NRAP: variants seen among roughly 807,000 people sequenced by gnomAD.
NRAP encodes the protein nebulin-related-anchoring protein.
Under a neutral mutation model 225.9 loss-of-function variants are expected in NRAP, and 189 were observed. The observed-to-expected ratio is 0.84, with a 90% CI of 0.74 to 0.94. The LOEUF is 0.94. Among genes scored for constraint, NRAP ranks in the 40% least tolerant of loss-of-function variants. The pLI, the probability that NRAP is intolerant of heterozygous loss-of-function variation, is 0.00. For synonymous variants in NRAP, 769 were observed against 790.7 expected, an observed-to-expected ratio of 0.97 and a Z score of 0.46; for missense variants, 2,176 against 2,168.7, an observed-to-expected ratio of 1.00 and a Z score of -0.07.
intron 14 of NRAP, among the ~76,000 whole-genome samples, chr10:113,638,210 TTAAG>T (rs1342015342): frequency 1.3e-5 from 2 of 152,236 alleles, no homozygotes; most frequent in Non-Finnish European, 2.9e-5. Context: ...TAATTCTGCA[TTAAG>T]TATGTTACTG....
intron 12 of NRAP, 120 bp downstream of exon 12, chr10:113,642,814 C>T: frequency 1.6e-6 from 1 of 632,620 alleles, no homozygotes. Flanking sequence ...GCATTTATGC[C>T]TAAAAGGCCA....
At chr10:113,590,195 A>G (rs1592712405) in intron 40 of NRAP, among the ~76,000 whole-genome samples, 1 of 152,220 alleles carries the variant, frequency 6.6e-6, no homozygotes, top group African/African-American at 2.4e-5. Context: ...TAGCATAGCC[A>G]TCGAGAGCTT....
At chr10:113,647,173 T>C (rs1348133198) in intron 9 of NRAP, 146 bp from the exon 10 acceptor site, 3 of 643,220 alleles carry the variant, frequency 4.7e-6, no homozygotes, top group Non-Finnish European at 5.6e-6. Flanking sequence ...GTTTAAACAT[T>C]CCTTTTAAGA....
intron 23 of NRAP, among the ~76,000 whole-genome samples, chr10:113,622,858 T>C (rs1848079681): frequency 6.6e-6 from 1 of 152,222 alleles, no homozygotes. Flanking sequence ...AAAGAGCTTA[T>C]GTCAGAATGT....
chr10:113,623,772 A>T (rs1848134330), intron 22 of NRAP, 136 bp from the exon 23 acceptor site: 2 of 638,846 alleles, frequency 3.1e-6, no homozygotes, highest in South Asian at 2.3e-5. Flanking sequence ...AGCCACAGAA[A>T]TCATGTAGTC....
At chr10:113,653,154 A>G (rs1850090001) in intron 5 of NRAP, 115 bp from the exon 6 acceptor site, 3 of 612,616 alleles carry the variant, frequency 4.9e-6, no homozygotes, top group Non-Finnish European at 8.5e-6. Flanking sequence ...AAATATTTCA[A>G]TCACCTGTAA....
intron 34 of NRAP, among the ~76,000 whole-genome samples, chr10:113,605,479 G>A (rs1330886757): frequency 3.3e-5 from 5 of 152,174 alleles, no homozygotes; most frequent in African/African-American, 1.2e-4. Context: ...TAGAAGACAG[G>A]CAGTCATGCA....
At position 113,617,547 on chromosome 10, in the gene NRAP, A is replaced by G. The variant is rs766565045; in HGVS notation, c.2881T>C (p.Tyr961His). 2.5e-6 allele frequency: 4 copies of G among 1,600,644 alleles called. No homozygotes were observed. In the Admixed American group the frequency reaches 6.7e-5, roughly 27 times the overall value. The change falls in exon 26 of 42, where the codon TAC (tyrosine) becomes CAC (histidine). Residue 961 changes from tyrosine (Y) to histidine (H), a missense_variant. Around this residue, in one of 3 missense-constraint regions of NRAP, gnomAD observed 1,708 missense variants for 1,695.5 expected, o/e 1.01. Coordinates refer to ENST00000359988, the MANE Select transcript of NRAP (RefSeq NM_198060.4). ...TTCAAAGCATCTGGATGCTGACGGT[A>G]CTTCTTCTGTTGAGCAGAAAAAGAT... ...KAGELISEKK[Y>H]RQHPDALKFT...
intron 29 of NRAP, 85 bp downstream of exon 29, chr10:113,614,098 G>A: frequency 1.2e-6 from 1 of 868,718 alleles, no homozygotes; most frequent in Admixed American, 1.8e-5. Flanking sequence ...CCCATGTCCA[G>A]AAGGACAAAT....
chr10:113,604,984 T>C, intron 34 of NRAP, 64 bp from the exon 35 acceptor site: 1 of 1,538,562 alleles, frequency 6.5e-7, no homozygotes, highest in East Asian at 2.3e-5. Flanking sequence ...TCTAGAAAAA[T>C]CACTTGTTCT....
At chr10:113,661,262 GTTAAA>G (rs1185820608) in intron 3 of NRAP, among the ~76,000 whole-genome samples, 2 of 152,158 alleles carry the variant, frequency 1.3e-5, no homozygotes, top group African/African-American at 4.8e-5. Flanking sequence ...TGTGGTGTAC[GTTAAA>G]TTAATTAAGT....
rs1261632736 is a variant in NRAP at position 113,631,914 on chromosome 10, C to A, written c.1683G>T (p.Met561Ile). 10 of 1,613,774 alleles carry A rather than the reference C, an allele frequency of 6.2e-6. No individual in the cohort carries two copies. Among genetic ancestry groups the A allele is most frequent in the Non-Finnish European group, 8.5e-6 (10 of 1,179,734 alleles). The change falls in exon 17 of 42, where the codon ATG becomes ATT. Residue 561 changes from methionine (M) to isoleucine (I), a missense_variant. This residue lies in a region of NRAP where 1,708 missense variants were observed against 1,695.5 expected (regional missense o/e 1.01). Coordinates refer to ENST00000359988, the MANE Select transcript of NRAP (RefSeq NM_198060.4). ...WEKTKGKGFE[M>I]KLDAMSLLAA... ...CCAGCAGAGACATGGCATCCAGCTT[C>A]ATCTCAAATCCTTTCCCCTTTGTCT...
chr10:113,656,527 A>G (rs899715136), intron 4 of NRAP, among the ~76,000 whole-genome samples: 1 of 152,216 alleles, frequency 6.6e-6, no homozygotes, highest in Non-Finnish European at 1.5e-5. Flanking sequence ...TGTCTCAGAT[A>G]CTTTTGGGTT....
Position 113,644,040 on chromosome 10 carries a change from C to T in NRAP, c.1111-1002G>A, listed in dbSNP as rs570885491. Among the ~76,000 whole-genome samples, 428 of 145,428 alleles carry T rather than the reference C, an allele frequency of 2.9e-3. 2 individuals carry two copies. Among genetic ancestry groups the T allele is most frequent in the Non-Finnish European group, 5.5e-3 (369 of 67,120 alleles). ...GTGGGCGCCTGTAATCCCAGCTACT[C>T]AGGAGGCTGAGGAAGGGGAATCGCT... On this transcript the variant is annotated intron_variant, in intron 11 of 41. Coordinates refer to ENST00000359988, the MANE Select transcript of NRAP (RefSeq NM_198060.4).
In NRAP at chr10:113,592,185, G is replaced by A. The variant is rs776805841; in HGVS notation, c.4644+9C>T. On this transcript the variant is annotated intron_variant, in intron 39 of 41. Coordinates refer to ENST00000359988, the MANE Select transcript of NRAP (RefSeq NM_198060.4). ...TCAGTGACCGCAGGAGAGAACATGG[G>A]GGTCTTACATCACTGGCGATCTCCC... is the stretch of plus-strand genomic sequence containing the variant. 1 of 1,559,384 alleles carries A rather than the reference G, an allele frequency of 6.4e-7. No individual in the cohort carries two copies. Among genetic ancestry groups the A allele is most frequent in the Non-Finnish European group, 8.8e-7 (1 of 1,135,072 alleles).
chr10:113,637,640 T>G (rs192380597), intron 14 of NRAP, among the ~76,000 whole-genome samples: 11 of 152,236 alleles, frequency 7.2e-5, no homozygotes, highest in African/African-American at 1.9e-4. Context: ...AAAACATCAT[T>G]AGGCTGGGTG....
intron 25 of NRAP, among the ~76,000 whole-genome samples, chr10:113,619,583 TC>T (rs1432162447): frequency 6.7e-6 from 1 of 150,334 alleles, no homozygotes; most frequent in Admixed American, 6.7e-5. Context: ...AGGGTGTCTT[TC>T]TATTTTAACT....
chr10:113,590,431 T>A (rs964684369), intron 40 of NRAP, 147 bp downstream of exon 40: 2 of 715,770 alleles, frequency 2.8e-6, no homozygotes, highest in Admixed American at 5.7e-5. Flanking sequence ...TTATTGTTAT[T>A]CTTTCTGGCA....
intron 26 of NRAP, among the ~76,000 whole-genome samples, chr10:113,616,409 A>AGATGTATCCAAGTTTC (rs1847666741): frequency 1.3e-5 from 2 of 152,156 alleles, no homozygotes; most frequent in Admixed American, 1.3e-4. Context: ...AAATCTTATC[A>AGATGTATCCAAGTTTC]GATGTATCCA....
Sources: allele counts gnomAD v4.1 joint callset (sites outside exome capture counted in the v4.1 genomes callset), GRCh38; gene constraint gnomAD v4.1.1; regional missense constraint gnomAD v4.1.1; transcripts MANE v1.5; gene names NCBI Gene and HGNC (gene_info 2026-07-23, HGNC 2026-07-21).